The following GLIS3 variants were observed in gnomAD, a reference collection of about 807,000 sequenced individuals.
GLIS3 encodes GLIS family zinc finger 3.
Under a neutral mutation model 78.6 loss-of-function variants are expected in GLIS3, and 53 were observed. The observed-to-expected ratio is 0.67, with a 90% CI of 0.54 to 0.85. The LOEUF (loss-of-function observed/expected upper bound fraction) is 0.85, where lower values mean the gene tolerates loss of function less well. Ranked by LOEUF, GLIS3 falls within the 40% of genes least tolerant of loss-of-function variation. The pLI, the probability that GLIS3 is intolerant of heterozygous loss-of-function variation, is 0.00. For synonymous variants in GLIS3, 684 were observed against 509.9 expected (o/e 1.34, Z -4.60); for missense variants, 1,703 against 1,231.1 (o/e 1.38, Z -5.74).
intron 2 of GLIS3, among the ~76,000 whole-genome samples, chr9:4,213,703 A>G (rs560492224): frequency 1.1e-4 from 16 of 152,370 alleles, no homozygotes; most frequent in African/African-American, 3.6e-4. Context: ...GCGAAAAAGC[A>G]CTAGGCACGT....
chr9:3,894,416 T>A (rs1229169129), intron 7 of GLIS3, among the ~76,000 whole-genome samples: 1 of 152,106 alleles, frequency 6.6e-6, no homozygotes, highest in Non-Finnish European at 1.5e-5. Flanking sequence ...CTAACACAAC[T>A]CTGCAAGCTG....
chr9:4,436,701 G>T, the GLIS3 span, among the ~76,000 whole-genome samples: 1 of 151,060 alleles, frequency 6.6e-6, no homozygotes, highest in African/African-American at 2.4e-5. Context: ...AACTACTCTG[G>T]AGGCTGAGGC....
intron 7 of GLIS3, among the ~76,000 whole-genome samples, chr9:3,895,432 G>A (rs1270093994): frequency 5.3e-5 from 8 of 152,192 alleles, no homozygotes; most frequent in Non-Finnish European, 1.2e-4. Flanking sequence ...GTGAGCTCAG[G>A]AGCAGGCTTG....
chr9:4,321,109 G>A (rs1348675044), intron 2 of GLIS3, among the ~76,000 whole-genome samples: 1 of 144,202 alleles, frequency 6.9e-6, no homozygotes, highest in Non-Finnish European at 1.5e-5. Flanking sequence ...CCAATACTCA[G>A]CATGGTCTCC....
At chr9:3,920,385 A>T (rs1824804625) in intron 6 of GLIS3, among the ~76,000 whole-genome samples, 1 of 152,056 alleles carries the variant, frequency 6.6e-6, no homozygotes, top group South Asian at 2.1e-4. Flanking sequence ...TGAGTTTGTG[A>T]GTGTTTTTGC....
chr9:4,207,375 G>A (rs931290212), intron 2 of GLIS3, among the ~76,000 whole-genome samples: 3 of 152,138 alleles, frequency 2.0e-5, no homozygotes, highest in Non-Finnish European at 4.4e-5. Context: ...GCAAATAATC[G>A]CTGGTGATTT....
At chr9:4,063,468 T>G (rs1300249380) in intron 4 of GLIS3, among the ~76,000 whole-genome samples, 1 of 151,968 alleles carries the variant, frequency 6.6e-6, no homozygotes. Flanking sequence ...TTCATGTAAT[T>G]TAGCGCATTA....
intron 1 of GLIS3, chr9:4,298,546 C>T: frequency 2.9e-6 from 1 of 339,134 alleles, no homozygotes; most frequent in South Asian, 2.2e-5. Context: ...GGCTCACTCA[C>T]GCTTTCCAGA....
At chr9:3,940,571 A>T (rs1563873264) in intron 4 of GLIS3, among the ~76,000 whole-genome samples, 1 of 152,196 alleles carries the variant, frequency 6.6e-6, no homozygotes, top group African/African-American at 2.4e-5. Flanking sequence ...TCAGTGACAC[A>T]TGACTGAATG....
intron 1 of GLIS3, among the ~76,000 whole-genome samples, chr9:4,296,247 G>A (rs990524207): frequency 6.9e-6 from 1 of 144,168 alleles, no homozygotes. Flanking sequence ...TGGAAAGAAT[G>A]AATGTCCTCA....
At chr9:4,234,898 G>A (rs192366470) in intron 2 of GLIS3, among the ~76,000 whole-genome samples, 3 of 152,100 alleles carry the variant, frequency 2.0e-5, no homozygotes, top group African/African-American at 7.2e-5. Flanking sequence ...CTCCCTAAGA[G>A]TCCCTAGAGT....
intron 4 of GLIS3, among the ~76,000 whole-genome samples, chr9:4,100,221 GT>G (rs1477747249): frequency 6.6e-6 from 1 of 152,202 alleles, no homozygotes; most frequent in Non-Finnish European, 1.5e-5. Flanking sequence ...ACACTGGGAA[GT>G]CATTTCCCTT....
chr9:4,433,383 G>C, the GLIS3 span, among the ~76,000 whole-genome samples: 1 of 152,224 alleles, frequency 6.6e-6, no homozygotes, highest in Middle Eastern at 3.4e-3. Flanking sequence ...AGCAAGCAGA[G>C]ATCGCACCAC....
chr9:4,120,662 G>C (rs1051579427), intron 3 of GLIS3, among the ~76,000 whole-genome samples: 3 of 152,166 alleles, frequency 2.0e-5, no homozygotes, highest in African/African-American at 7.2e-5. Flanking sequence ...ATGAGACAGA[G>C]ACAACTGACT....
the GLIS3 span, among the ~76,000 whole-genome samples, chr9:4,487,720 C>G: frequency 1.3e-5 from 2 of 151,352 alleles, no homozygotes; most frequent in Admixed American, 1.3e-4. Flanking sequence ...TAGAGTCTCG[C>G]TCTGTCACCC....
At chr9:4,045,394 G>A (rs1409673560) in intron 4 of GLIS3, among the ~76,000 whole-genome samples, 1 of 151,992 alleles carries the variant, frequency 6.6e-6, no homozygotes, top group Non-Finnish European at 1.5e-5. Context: ...GGAGTGCAGT[G>A]GTGCGATCTC....
chr9:4,378,980 A>C, the GLIS3 span, among the ~76,000 whole-genome samples: 1 of 152,342 alleles, frequency 6.6e-6, no homozygotes, highest in Non-Finnish European at 1.5e-5. Flanking sequence ...GAAGGCTGAC[A>C]GGTGGAGATT....
chr9:4,248,208 A>C (rs1265808063), intron 2 of GLIS3, among the ~76,000 whole-genome samples: 3 of 151,102 alleles, frequency 2.0e-5, no homozygotes, highest in Non-Finnish European at 2.9e-5. Flanking sequence ...CATCTACATT[A>C]CTTATTTCTC....
At chr9:4,451,977 A>G in the GLIS3 span, among the ~76,000 whole-genome samples, 3 of 151,904 alleles carry the variant, frequency 2.0e-5, no homozygotes, top group Admixed American at 2.0e-4. Flanking sequence ...ATCCACCACA[A>G]TCAAGTCGGC....
Sources: gnomAD v4.1 joint callset for allele counts (sites outside exome capture counted in the v4.1 genomes callset) on GRCh38, gnomAD v4.1.1 for gene constraint, MANE v1.5 for transcripts, NCBI Gene and HGNC (gene_info 2026-07-23, HGNC 2026-07-21) for gene names.